GPHN: variants seen among roughly 807,000 people sequenced by gnomAD.
The protein encoded by GPHN is gephyrin.
A neutral mutation model predicts 95.5 loss-of-function variants in GPHN; 17 were observed. The ratio of observed to expected loss-of-function variants is 0.18; its 90% CI spans 0.12 to 0.27. The LOEUF (loss-of-function observed/expected upper bound fraction) is 0.27, where lower values mean the gene tolerates loss of function less well. GPHN is among the 10% of genes least tolerant of loss of function. GPHN has a pLI of 1.00. For synonymous variants in GPHN, 320 were observed against 322.5 expected, an observed-to-expected ratio of 0.99 and a Z score of 0.08; for missense variants, 660 against 978.1, an observed-to-expected ratio of 0.67 and a Z score of 4.34.
chr14:67,491,777 T>C, the GPHN span, among the ~76,000 whole-genome samples: 4 of 152,164 alleles, frequency 2.6e-5, no homozygotes, highest in African/African-American at 7.2e-5. Flanking sequence ...ATCTGGTAAC[T>C]TCCTACACCA....
intron 2 of GPHN, among the ~76,000 whole-genome samples, chr14:66,737,347 A>G (rs1566887908): frequency 2.6e-5 from 4 of 152,006 alleles, no homozygotes; most frequent in Non-Finnish European, 4.4e-5. Flanking sequence ...TCAATGTGAA[A>G]CCACTTTCAA....
chr14:66,985,822 G>T, intron 9 of GPHN: 1 of 671,596 alleles, frequency 1.5e-6, no homozygotes, highest in South Asian at 2.1e-5. Flanking sequence ...GGAGGAAGGG[G>T]GCTTTTTCCA....
the GPHN span, among the ~76,000 whole-genome samples, chr14:67,550,621 G>C: frequency 6.6e-6 from 1 of 152,232 alleles, no homozygotes; most frequent in Non-Finnish European, 1.5e-5. Context: ...GAAAACGTGA[G>C]GGGAAGGGCT....
chr14:66,649,315 C>T (rs2064922339), intron 1 of GPHN, among the ~76,000 whole-genome samples: 1 of 151,764 alleles, frequency 6.6e-6, no homozygotes, highest in South Asian at 2.1e-4. Flanking sequence ...ACCTGAGCAA[C>T]AGAGTGAGAC....
chr14:67,435,443 A>AC, the GPHN span, among the ~76,000 whole-genome samples: 1 of 152,154 alleles, frequency 6.6e-6, no homozygotes, highest in Admixed American at 6.5e-5. Flanking sequence ...TTCAACATGA[A>AC]TTTTGGAGGG....
At chr14:66,549,422 C>T (rs937835387) in intron 1 of GPHN, among the ~76,000 whole-genome samples, 1 of 152,106 alleles carries the variant, frequency 6.6e-6, no homozygotes, top group East Asian at 1.9e-4. Flanking sequence ...TAATCCAGAG[C>T]AAGGTTCTAA....
intron 8 of GPHN, among the ~76,000 whole-genome samples, chr14:66,928,391 A>G (rs1226334977): frequency 6.6e-6 from 1 of 151,874 alleles, no homozygotes; most frequent in East Asian, 1.9e-4. Flanking sequence ...TTCATCTCTG[A>G]TTTTATTTAT....
At chr14:67,700,705 A>T in the GPHN span, among the ~76,000 whole-genome samples, 1 of 107,350 alleles carries the variant, frequency 9.3e-6, no homozygotes, top group African/African-American at 4.2e-5. Flanking sequence ...ACACAGCAAG[A>T]CTCCATCTCA....
At chr14:66,793,883 A>G (rs180818609) in intron 3 of GPHN, among the ~76,000 whole-genome samples, 51 of 152,304 alleles carry the variant, frequency 3.3e-4, no homozygotes, top group Non-Finnish European at 1.0e-4. Flanking sequence ...CTAATAAGAG[A>G]CATATAGAAA....
chr14:67,699,290 C>G, the GPHN span, among the ~76,000 whole-genome samples: 1 of 151,450 alleles, frequency 6.6e-6, no homozygotes, highest in Non-Finnish European at 1.5e-5. Context: ...GATGTGGTGG[C>G]TCATCCCTGT....
At chr14:66,662,588 C>T (rs1458231727) in intron 1 of GPHN, among the ~76,000 whole-genome samples, 1 of 152,180 alleles carries the variant, frequency 6.6e-6, no homozygotes. Context: ...ACCACATCAC[C>T]TCTCCAGCAA....
At chr14:67,343,757 C>T in the GPHN span, among the ~76,000 whole-genome samples, 1 of 152,198 alleles carries the variant, frequency 6.6e-6, no homozygotes. Flanking sequence ...GTAGTCCCAG[C>T]TGCTTGGTAA....
chr14:66,585,421 A>AT (rs1392534341), intron 1 of GPHN, among the ~76,000 whole-genome samples: 1 of 151,856 alleles, frequency 6.6e-6, no homozygotes, highest in Non-Finnish European at 1.5e-5. Context: ...TATTTCTTGC[A>AT]TTCTGCTAGC....
At chr14:66,852,135 G>C (rs752636984) in intron 4 of GPHN, among the ~76,000 whole-genome samples, 1 of 152,168 alleles carries the variant, frequency 6.6e-6, no homozygotes, top group Non-Finnish European at 1.5e-5. Flanking sequence ...ATTTTCAAAT[G>C]TATCTTTAAT....
intron 1 of GPHN, among the ~76,000 whole-genome samples, chr14:66,628,426 A>G (rs1240343198): frequency 6.6e-6 from 1 of 152,138 alleles, no homozygotes; most frequent in African/African-American, 2.4e-5. Flanking sequence ...GGCAGTTATA[A>G]CACAATGGCA....
At position 66,598,228 on chromosome 14, in the gene GPHN, A is replaced by G. The variant is rs545076961; in HGVS notation, c.65-82879A>G. ...TAAATCATGGTGACTGCAGTTAATA[A>G]CAATATGTTGTATATTTGAAAATTG... On this transcript the variant is annotated intron_variant, in intron 1 of 22. Coordinates refer to ENST00000478722, the MANE Select transcript of GPHN (RefSeq NM_020806.5). 4.6e-5 allele frequency among the ~76,000 whole-genome samples: 7 copies of G among 152,296 alleles called. No individual in the cohort carries two copies. The South Asian group carries it at 1.0e-3, about 23-fold the overall frequency.
At chr14:67,645,615 C>G in the GPHN span, 5 of 1,602,624 alleles carry the variant, frequency 3.1e-6, no homozygotes, top group Admixed American at 8.5e-5. Flanking sequence ...AAGCAGAGGG[C>G]CTTCAAGATT....
intron 1 of GPHN, among the ~76,000 whole-genome samples, chr14:66,660,750 A>G (rs1000555226): frequency 7.9e-5 from 12 of 152,136 alleles, no homozygotes; most frequent in African/African-American, 2.9e-4. Flanking sequence ...TTGCATTGGG[A>G]CTGATCAGGG....
the GPHN span, chr14:67,581,109 G>A: frequency 1.6e-4 from 146 of 932,244 alleles, 1 homozygote; most frequent in Admixed American, 2.2e-3. Context: ...TCGCCTCCTC[G>A]ACTAGACAGC....
Sources: allele counts gnomAD v4.1 joint callset (sites outside exome capture counted in the v4.1 genomes callset), GRCh38; gene constraint gnomAD v4.1.1; transcripts MANE v1.5; gene names NCBI Gene and HGNC (gene_info 2026-07-23, HGNC 2026-07-21).